SSBP3: variants seen among roughly 807,000 people sequenced by gnomAD.
The protein encoded by SSBP3 is single stranded DNA binding protein 3, also known as single-stranded DNA-binding protein 3.
In SSBP3, 5 loss-of-function variants were observed where a neutral mutation model predicts 69.6. That is an observed-to-expected ratio of 0.07 (90% CI 0.04 to 0.15). The LOEUF is 0.15. SSBP3 is among the 10% of genes least tolerant of loss of function. The pLI, the probability that SSBP3 is intolerant of heterozygous loss-of-function variation, is 1.00. For synonymous variants in SSBP3, 196 were observed against 193.4 expected, an observed-to-expected ratio of 1.01 and a Z score of -0.11; for missense variants, 312 against 534.0, an observed-to-expected ratio of 0.58 and a Z score of 4.10.
chr1:54,379,868 G>A (rs544068184), intron 4 of SSBP3, among the ~76,000 whole-genome samples: 5 of 152,276 alleles, frequency 3.3e-5, no homozygotes, highest in East Asian at 3.9e-4. Flanking sequence ...AGAACACGGC[G>A]CATCAAGTCC....
At chr1:54,374,487 CAGG>C (rs1647184887) in intron 4 of SSBP3, among the ~76,000 whole-genome samples, 1 of 152,216 alleles carries the variant, frequency 6.6e-6, no homozygotes, top group African/African-American at 2.4e-5. Flanking sequence ...CAAGCCTTTC[CAGG>C]AGAACTGACA....
chr1:54,230,048 G>C (rs1413539801), intron 14 of SSBP3, among the ~76,000 whole-genome samples: 1 of 152,232 alleles, frequency 6.6e-6, no homozygotes, highest in Non-Finnish European at 1.5e-5. Context: ...CTCTAAGGCA[G>C]GGGTCCCACA....
At chr1:54,353,936 G>A (rs1361267404) in intron 4 of SSBP3, among the ~76,000 whole-genome samples, 1 of 152,138 alleles carries the variant, frequency 6.6e-6, no homozygotes, top group Non-Finnish European at 1.5e-5. Context: ...CAGATGAGGA[G>A]GAGACTGCAG....
At chr1:54,240,085 T>C (rs1259041077) in intron 13 of SSBP3, among the ~76,000 whole-genome samples, 13 of 38,556 alleles carry the variant, frequency 3.4e-4, no homozygotes, top group Non-Finnish European at 4.2e-4. Flanking sequence ...TGTGTGTGTG[T>C]GTGCGCGCGC....
At chr1:54,334,195 T>C (rs1646469315) in intron 4 of SSBP3, among the ~76,000 whole-genome samples, 1 of 151,846 alleles carries the variant, frequency 6.6e-6, no homozygotes, top group Non-Finnish European at 1.5e-5. Flanking sequence ...CTACTAAAAA[T>C]ACAAAAATTA....
chr1:54,373,349 G>A (rs918257300), intron 4 of SSBP3, among the ~76,000 whole-genome samples: 1 of 152,102 alleles, frequency 6.6e-6, no homozygotes, highest in African/African-American at 2.4e-5. Flanking sequence ...TATAAAAAGC[G>A]AGTGCCACCC....
At chr1:54,388,703 G>A (rs1648261532) in intron 4 of SSBP3, among the ~76,000 whole-genome samples, 1 of 152,254 alleles carries the variant, frequency 6.6e-6, no homozygotes, top group African/African-American at 2.4e-5. Flanking sequence ...AGGAGGCTCT[G>A]CAGATGGGAG....
chr1:54,366,686 A>C (rs1187404692), intron 4 of SSBP3, among the ~76,000 whole-genome samples: 2 of 152,210 alleles, frequency 1.3e-5, no homozygotes, highest in African/African-American at 4.8e-5. Flanking sequence ...CTTATTTTAT[A>C]TACCTCTATA....
chr1:54,267,806 G>C (rs1645127280), intron 5 of SSBP3, among the ~76,000 whole-genome samples: 2 of 152,186 alleles, frequency 1.3e-5, no homozygotes, highest in Admixed American at 1.3e-4. Context: ...TCAAGTTGGA[G>C]ACTAATTATT....
At chr1:54,286,471 T>TTGTGAAGAGGACTGATCCCAC (rs1219240676) in intron 4 of SSBP3, 1 of 152,184 alleles carries the variant, frequency 6.6e-6, no homozygotes, top group African/African-American at 2.4e-5. Context: ...CCAGGGAGAC[T>TTGTGAAGAGGACTGATCCCAC]TGTGAAGAGG....
At chr1:54,352,876 C>CA (rs1646803268) in intron 4 of SSBP3, among the ~76,000 whole-genome samples, 1 of 152,226 alleles carries the variant, frequency 6.6e-6, no homozygotes, top group Non-Finnish European at 1.5e-5. Flanking sequence ...CAACACAATC[C>CA]ATGGGGCTCA....
chr1:54,405,012 T>C, intron 1 of SSBP3, 82 bp from the exon 2 acceptor site: 1 of 1,283,034 alleles, frequency 7.8e-7, no homozygotes, highest in Non-Finnish European at 1.1e-6. Flanking sequence ...GCCAGCAGGC[T>C]TTGAGCCCTG....
chr1:54,226,088 C>G (rs1485623206), exon 18 of SSBP3: 1 of 152,246 alleles, frequency 6.6e-6, no homozygotes, highest in African/African-American at 2.4e-5. Flanking sequence ...GTTTCCATGT[C>G]CCAGGTCATA....
intron 6 of SSBP3, among the ~76,000 whole-genome samples, chr1:54,257,642 T>TG (rs1268690064): frequency 4.0e-5 from 6 of 151,884 alleles, no homozygotes; most frequent in East Asian, 1.9e-4. Flanking sequence ...GAGCAAGGAC[T>TG]GGGGGGGAAA....
At chr1:54,309,518 G>C (rs1645960489) in intron 4 of SSBP3, among the ~76,000 whole-genome samples, 1 of 152,188 alleles carries the variant, frequency 6.6e-6, no homozygotes, top group African/African-American at 2.4e-5. Flanking sequence ...TAGGATTCAA[G>C]GCAGACTGCA....
chr1:54,374,380 T>C (rs1013448007), intron 4 of SSBP3, among the ~76,000 whole-genome samples: 5 of 152,150 alleles, frequency 3.3e-5, no homozygotes, highest in African/African-American at 1.2e-4. Flanking sequence ...CACACCACCT[T>C]TGTCATTAAT....
At chr1:54,298,982 G>A (rs1645751917) in intron 4 of SSBP3, among the ~76,000 whole-genome samples, 1 of 103,754 alleles carries the variant, frequency 9.6e-6, no homozygotes, top group Admixed American at 9.6e-5. Context: ...AAGGTGCCAC[G>A]CTGAGCTGAG....
intron 5 of SSBP3, among the ~76,000 whole-genome samples, chr1:54,269,345 G>C (rs1177353949): frequency 1.3e-5 from 2 of 152,166 alleles, no homozygotes; most frequent in Non-Finnish European, 2.9e-5. Flanking sequence ...TGACGGCCCA[G>C]AAGACAGGGG....
intron 4 of SSBP3, among the ~76,000 whole-genome samples, chr1:54,283,145 C>A (rs1342602402): frequency 1.3e-5 from 2 of 151,878 alleles, no homozygotes; most frequent in Non-Finnish European, 2.9e-5. Context: ...TGGGCGCCTG[C>A]AATCCCAGCT....
Sources: allele counts gnomAD v4.1 joint callset (sites outside exome capture counted in the v4.1 genomes callset), GRCh38; gene constraint gnomAD v4.1.1; transcripts MANE v1.5; gene names NCBI Gene and HGNC (gene_info 2026-07-23, HGNC 2026-07-21).